GRM7: variants seen among roughly 807,000 people sequenced by gnomAD.
GRM7 encodes metabotropic glutamate receptor 7.
GRM7 carries 35 observed loss-of-function variants against 84.5 expected under a neutral mutation model. The observed-to-expected ratio is 0.41, with a 90% CI of 0.32 to 0.55. GRM7 has a LOEUF of 0.55. Ranked by LOEUF, GRM7 falls within the 20% of genes least tolerant of loss-of-function variation. The pLI is 0.19. For synonymous variants in GRM7, 487 were observed against 455.1 expected (o/e 1.07, Z -0.89); for missense variants, 1,003 against 1,194.6 (o/e 0.84, Z 2.36).
chr3:7,072,911 T>A (rs952498253), intron 1 of GRM7, among the ~76,000 whole-genome samples: 1 of 152,174 alleles, frequency 6.6e-6, no homozygotes. Context: ...TCGTAATAGA[T>A]TCAGATCATG....
Position 6,861,143 on chromosome 3 carries a change from G to A in GRM7, c.-246G>A. 1 of 423,632 alleles carries A rather than the reference G, an allele frequency of 2.4e-6. No homozygotes were observed. The highest frequency in any genetic ancestry group is 4.4e-5 in the Admixed American group (1 of 22,724). The allele number at this position is 423,632 out of a possible 1,614,324, so 26.2% of individuals were successfully genotyped here. ...GCTGGGCTGTTGGAGAGAGCGAGCAGCAAGCCGGTGAGCGCGAGCGCGGCG... is the reference window on the plus strand; with the variant it reads ...GCTGGGCTGTTGGAGAGAGCGAGCAACAAGCCGGTGAGCGCGAGCGCGGCG... On this transcript the variant is annotated 5_prime_UTR_variant, in exon 1 of 10. Transcript: ENST00000357716. This position sits in a 1 kb window ranked among gnomAD's most constrained non-coding sequence, Gnocchi z 6.4.
At chr3:6,948,305 G>A (rs150223742) in intron 1 of GRM7, among the ~76,000 whole-genome samples, 5,498 of 152,192 alleles carry the variant, frequency 0.036, 342 homozygotes, top group African/African-American at 0.12. Context: ...CCTTCATTTT[G>A]TTATGTACCC....
intron 2 of GRM7, among the ~76,000 whole-genome samples, chr3:7,242,789 A>C (rs980513239): frequency 1.3e-5 from 2 of 151,974 alleles, no homozygotes; most frequent in African/African-American, 4.8e-5. Context: ...CTGTGTGTTA[A>C]GTGTCTCTCC....
At chr3:7,155,062 AT>A (rs1694404865) in intron 2 of GRM7, among the ~76,000 whole-genome samples, 2 of 152,152 alleles carry the variant, frequency 1.3e-5, no homozygotes, top group South Asian at 4.1e-4. Context: ...GTAGCTAAAA[AT>A]TTCAGAGTAG....
chr3:7,682,540 A>G (rs1052975918), intron 9 of GRM7, among the ~76,000 whole-genome samples: 24 of 70,450 alleles, frequency 3.4e-4, no homozygotes, highest in African/African-American at 3.1e-3. Context: ...TTATTTTTGT[A>G]CACACACACA....
intron 1 of GRM7, among the ~76,000 whole-genome samples, chr3:6,876,899 G>A (rs1346912310): frequency 6.6e-6 from 1 of 152,156 alleles, no homozygotes; most frequent in East Asian, 1.9e-4. Context: ...ACCAACCCCG[G>A]CCTACCACTA....
chr3:7,533,228 C>T (rs1221619143), intron 7 of GRM7, among the ~76,000 whole-genome samples: 1 of 152,048 alleles, frequency 6.6e-6, no homozygotes, highest in Non-Finnish European at 1.5e-5. Context: ...TATTCTAAAG[C>T]TGACCACATA....
At chr3:7,332,505 C>T (rs575374119) in intron 4 of GRM7, among the ~76,000 whole-genome samples, 4 of 152,240 alleles carry the variant, frequency 2.6e-5, no homozygotes, top group African/African-American at 9.6e-5. Flanking sequence ...TTGCCTAATT[C>T]CCCTCTGGTT....
At chr3:7,284,189 A>C (rs1377166527) in intron 2 of GRM7, among the ~76,000 whole-genome samples, 1 of 152,160 alleles carries the variant, frequency 6.6e-6, no homozygotes, top group African/African-American at 2.4e-5. Flanking sequence ...CAATACTCAT[A>C]ATCACAGATA....
intron 1 of GRM7, among the ~76,000 whole-genome samples, chr3:6,894,367 G>A (rs1424675154): frequency 6.6e-6 from 1 of 152,090 alleles, no homozygotes; most frequent in Non-Finnish European, 1.5e-5. Context: ...CAAATGTACT[G>A]CAATAATGAA....
intron 1 of GRM7, among the ~76,000 whole-genome samples, chr3:7,067,967 G>A (rs1499159): frequency 1.0e-3 from 157 of 151,912 alleles, no homozygotes; most frequent in African/African-American, 3.4e-3. Flanking sequence ...CATCCCAGCC[G>A]AATATTCAGA....
At chr3:7,526,343 C>T (rs1575452911) in intron 7 of GRM7, among the ~76,000 whole-genome samples, 1 of 148,772 alleles carries the variant, frequency 6.7e-6, no homozygotes, top group Non-Finnish European at 1.5e-5. Flanking sequence ...TGTATGCCTT[C>T]TTTTAAGAAG....
At chr3:7,236,724 T>C (rs547318283) in intron 2 of GRM7, among the ~76,000 whole-genome samples, 13 of 152,284 alleles carry the variant, frequency 8.5e-5, no homozygotes, top group Admixed American at 5.9e-4. Context: ...AATCACAAGA[T>C]ATGTGAATGA....
At chr3:7,390,878 C>A (rs940548500) in intron 4 of GRM7, among the ~76,000 whole-genome samples, 1 of 152,038 alleles carries the variant, frequency 6.6e-6, no homozygotes, top group Admixed American at 6.6e-5. Flanking sequence ...GGATCCATTA[C>A]TTGAGAGCTA....
At chr3:7,496,539 C>T (rs1699708222) in intron 7 of GRM7, among the ~76,000 whole-genome samples, 1 of 152,012 alleles carries the variant, frequency 6.6e-6, no homozygotes, top group Admixed American at 6.6e-5. Context: ...AAACACAGTC[C>T]TGGATTAGAT....
At chr3:6,914,487 C>G (rs1465644433) in intron 1 of GRM7, among the ~76,000 whole-genome samples, 2 of 152,052 alleles carry the variant, frequency 1.3e-5, no homozygotes, top group Non-Finnish European at 2.9e-5. Context: ...ACTGCAACCT[C>G]TGCCTCCCGG....
At chr3:7,638,899 A>G (rs565736785) in intron 8 of GRM7, among the ~76,000 whole-genome samples, 3 of 152,308 alleles carry the variant, frequency 2.0e-5, no homozygotes, top group South Asian at 4.1e-4. Context: ...GAATCTCCCA[A>G]ATGCTTTTGG....
At chr3:7,366,777 A>G (rs1000119408) in intron 4 of GRM7, among the ~76,000 whole-genome samples, 2 of 151,850 alleles carry the variant, frequency 1.3e-5, no homozygotes, top group African/African-American at 2.4e-5. Flanking sequence ...ATTTCTGTAT[A>G]TTAATTATCA....
At chr3:6,987,725 T>C (rs975837908) in intron 1 of GRM7, among the ~76,000 whole-genome samples, 1 of 152,156 alleles carries the variant, frequency 6.6e-6, no homozygotes, top group African/African-American at 2.4e-5. Context: ...TATGACCTGC[T>C]TACTATATTT....
Sources: gnomAD v4.1 joint callset for allele counts (sites outside exome capture counted in the v4.1 genomes callset) on GRCh38, gnomAD v4.1.1 for gene constraint, Gnocchi (gnomAD v3.1) non-coding constraint, MANE v1.5 for transcripts, NCBI Gene and HGNC (gene_info 2026-07-23, HGNC 2026-07-21) for gene names.